Variants in AOAH observed in about 807,000 individuals in gnomAD.
AOAH encodes the protein acyloxyacyl hydrolase (neutrophil).
AOAH carries 64 observed loss-of-function variants against 92.2 expected under a neutral mutation model. The ratio of observed to expected loss-of-function variants is 0.69; its 90% CI spans 0.57 to 0.86. The LOEUF (loss-of-function observed/expected upper bound fraction) is 0.86, where lower values mean the gene tolerates loss of function less well. Ranked by LOEUF, AOAH falls within the 40% of genes least tolerant of loss-of-function variation. The probability of loss-of-function intolerance (pLI) is 0.00; values close to 1 mark genes in which losing one functional copy is unlikely to be tolerated. For missense variants in AOAH, 656 were observed against 694.6 expected (o/e 0.94, Z 0.62); for synonymous variants, 263 against 254.5 (o/e 1.03, Z -0.32).
In AOAH at chr7:36,718,810, A is replaced by T. The variant is rs1799428732; in HGVS notation, c.127+5212T>A. On this transcript the variant is annotated intron_variant, in intron 1 of 20. Transcript: ENST00000617537. ...GAGAAGGAAATGGGGAGTAAATGCT[A>T]AGAGAATTGGATTTTTGGGGGGAGC... Among the ~76,000 whole-genome samples the T allele has an allele frequency of 2.6e-5, 4 of 152,166 alleles. No homozygotes were observed. In the South Asian group the frequency reaches 6.2e-4, roughly 24 times the overall value.
intron 11 of AOAH, among the ~76,000 whole-genome samples, chr7:36,610,623 ATTTC>A (rs1791389406): frequency 2.0e-5 from 3 of 152,254 alleles, no homozygotes; most frequent in East Asian, 1.9e-4. Context: ...TTTCCAAATA[ATTTC>A]TTTATTTTCA....
Position 36,614,032 on chromosome 7 carries a change from G to T in AOAH, c.846+2348C>A, listed in dbSNP as rs982661612. On this transcript the variant is annotated intron_variant, in intron 11 of 20. Coordinates refer to ENST00000617537, the MANE Select transcript of AOAH (RefSeq NM_001637.4). The surrounding 1 kb of genome is among the most constrained non-coding windows in gnomAD (Gnocchi z 4.2). ...AATTTATTTAATCTAGGAAGAGGAGGTCAAGGAAAAAATGATAATTTCTGC... is the reference window on the plus strand; with the variant it reads ...AATTTATTTAATCTAGGAAGAGGAGTTCAAGGAAAAAATGATAATTTCTGC... 1.3e-5 allele frequency among the ~76,000 whole-genome samples: 2 copies of T among 152,158 alleles called. No individual in the cohort carries two copies. Among genetic ancestry groups the T allele is most frequent in the Non-Finnish European group, 2.9e-5 (2 of 68,030 alleles).
chr7:36,620,587 G>A (rs966600675), intron 9 of AOAH, among the ~76,000 whole-genome samples, 194 bp downstream of exon 9: 2 of 152,170 alleles, frequency 1.3e-5, no homozygotes, highest in African/African-American at 2.4e-5. Flanking sequence ...GACTGAGAAA[G>A]CCTCAACTCT....
Position 36,530,446 on chromosome 7 carries a change from A to G in AOAH, c.1494T>C (p.Leu498=). Residue 498 remains leucine (L), a synonymous_variant, in exon 19 of 21, where the codon CTT becomes CTC. Transcript: ENST00000617537. ...CATGGAAGGCAAAATCCATGTAGAAAAGATTGAAGTTTGTAAATTTCTCAC... is the reference window on the plus strand; with the variant it reads ...CATGGAAGGCAAAATCCATGTAGAAGAGATTGAAGTTTGTAAATTTCTCAC... ...AASEKFTNFN[L]FYMDFAFHEI... 1 of 1,613,634 alleles carries G rather than the reference A, an allele frequency of 6.2e-7. No homozygotes were observed. The highest frequency in any genetic ancestry group is 1.6e-4 in the Middle Eastern group (1 of 6,062).
chr7:36,638,721 C>T (rs1414796216), intron 4 of AOAH, among the ~76,000 whole-genome samples: 3 of 152,170 alleles, frequency 2.0e-5, no homozygotes, highest in Non-Finnish European at 1.5e-5. Context: ...ACCTGTACAG[C>T]CCTGAAGTAA....
rs547731707 is a variant in AOAH at position 36,603,775 on chromosome 7, G to C, written c.847-9345C>G. Among the ~76,000 whole-genome samples, 14 of 152,208 alleles carry C rather than the reference G, an allele frequency of 9.2e-5. No homozygotes were observed. The East Asian group carries it at 2.7e-3, about 29-fold the overall frequency. ...ATCCAACAGACTTAGTTTGTATCTG[G>C]GCTCCATGTTTAACCTTTTGTCAGT... On this transcript the variant is annotated intron_variant, in intron 11 of 20. Coordinates refer to ENST00000617537, the MANE Select transcript of AOAH (RefSeq NM_001637.4).
At chr7:36,706,717 A>T (rs933721327) in intron 1 of AOAH, among the ~76,000 whole-genome samples, 1 of 152,186 alleles carries the variant, frequency 6.6e-6, no homozygotes, top group Non-Finnish European at 1.5e-5. Flanking sequence ...GATTTTCTGG[A>T]TAACTTGCTG....
intron 3 of AOAH, among the ~76,000 whole-genome samples, chr7:36,663,016 C>T (rs1423707899): frequency 6.6e-6 from 1 of 152,210 alleles, no homozygotes; most frequent in Non-Finnish European, 1.5e-5. Flanking sequence ...CTTGCTCAGC[C>T]TTGGGACAGA....
chr7:36,575,057 T>C (rs757978356), intron 13 of AOAH, among the ~76,000 whole-genome samples: 3 of 151,666 alleles, frequency 2.0e-5, no homozygotes, highest in Non-Finnish European at 4.4e-5. Context: ...TGACAGAGGG[T>C]ATTTGACAGT....
intron 1 of AOAH, among the ~76,000 whole-genome samples, chr7:36,688,843 ATGTG>A (rs1562699119): frequency 6.6e-6 from 1 of 152,038 alleles, no homozygotes; most frequent in African/African-American, 2.4e-5. Flanking sequence ...ACATATATAT[ATGTG>A]TATATGTATA....
Position 36,679,791 on chromosome 7 carries a change from A to G in AOAH, c.224-5782T>C, listed in dbSNP as rs556297981. The stretch of plus-strand genomic sequence containing the variant: ...TTCTGCGTCAGCCTCCTGAGTAGCT[A>G]GGACTACAGGCACATGTTACCACGC... On this transcript the variant is annotated intron_variant, in intron 2 of 20. Transcript: ENST00000617537. Among the ~76,000 whole-genome samples the G allele has an allele frequency of 7.6e-4, 116 of 152,086 alleles. 1 individual carries two copies. Among genetic ancestry groups the G allele is most frequent in the Non-Finnish European group, 4.7e-4 (32 of 67,964 alleles).
intron 19 of AOAH, among the ~76,000 whole-genome samples, chr7:36,525,110 T>C (rs1384275049): frequency 6.6e-6 from 1 of 152,184 alleles, no homozygotes; most frequent in East Asian, 1.9e-4. Flanking sequence ...TGACCTGGAC[T>C]CTCCTGGGGT....
chr7:36,532,281 C>T lies in AOAH; in HGVS notation c.1365+5G>A. ...GGGCCTTGAAGCAAGCCAGTGAGTG[C>T]TCACCTGGAGGCAGTTCAGGAAGGA... On this transcript the variant is annotated splice_donor_5th_base_variant and intron_variant, in intron 17 of 20. Coordinates refer to ENST00000617537, the MANE Select transcript of AOAH (RefSeq NM_001637.4). The T allele has an allele frequency of 6.2e-7, 1 of 1,614,120 alleles. No homozygotes were observed. Among genetic ancestry groups the T allele is most frequent in the Non-Finnish European group, 8.5e-7 (1 of 1,179,988 alleles).
At chr7:36,636,774 A>AAAAC (rs1793553651) in intron 5 of AOAH, among the ~76,000 whole-genome samples, 1 of 152,262 alleles carries the variant, frequency 6.6e-6, no homozygotes, top group African/African-American at 2.4e-5. Context: ...TAGATATACT[A>AAAAC]AAACACTATT....
At chr7:36,536,875 G>C (rs1785091780) in intron 16 of AOAH, among the ~76,000 whole-genome samples, 1 of 150,062 alleles carries the variant, frequency 6.7e-6, no homozygotes, top group East Asian at 2.0e-4. Context: ...GCTTGAAGCT[G>C]GGAGGCAGAG....
chr7:36,538,938 C>T (rs116147186), intron 16 of AOAH, among the ~76,000 whole-genome samples: 1 of 152,160 alleles, frequency 6.6e-6, no homozygotes, highest in Non-Finnish European at 1.5e-5. Context: ...GGGTGTCCAC[C>T]ATTGTCCCTC....
Position 36,609,779 on chromosome 7 carries a change from G to A in AOAH, c.846+6601C>T, listed in dbSNP as rs527530850. The stretch of plus-strand genomic sequence containing the variant: ...GGGTTTTAAGCTCTATGGGCACCAG[G>A]GATCTTTCCATCCTTTTCCCCATTG... On this transcript the variant is annotated intron_variant, in intron 11 of 20. Transcript: ENST00000617537. 1.1e-4 allele frequency among the ~76,000 whole-genome samples: 16 copies of A among 152,014 alleles called. No individual in the cohort carries two copies. In the South Asian group the frequency reaches 3.3e-3, roughly 32 times the overall value.
intron 2 of AOAH, among the ~76,000 whole-genome samples, chr7:36,675,708 C>T (rs1034510559): frequency 1.3e-5 from 2 of 152,018 alleles, no homozygotes; most frequent in African/African-American, 4.8e-5. Context: ...GAATGTAGAC[C>T]CAAATCTCTC....
At chr7:36,650,919 G>T (rs1483669930) in intron 4 of AOAH, among the ~76,000 whole-genome samples, 2 of 152,224 alleles carry the variant, frequency 1.3e-5, no homozygotes, top group South Asian at 2.1e-4. Context: ...CTTCAGAGAG[G>T]TTGGTCAGGG....
Sources: gnomAD v4.1 joint callset for allele counts (sites outside exome capture counted in the v4.1 genomes callset) on GRCh38, gnomAD v4.1.1 for gene constraint, Gnocchi (gnomAD v3.1) non-coding constraint, MANE v1.5 for transcripts, NCBI Gene and HGNC (gene_info 2026-07-23, HGNC 2026-07-21) for gene names.